The following PPP1R9A variants were observed in gnomAD, a reference collection of about 807,000 sequenced individuals.
PPP1R9A encodes the protein neurabin-1.
Under a neutral mutation model 141.9 loss-of-function variants are expected in PPP1R9A, and 59 were observed. The observed-to-expected ratio is 0.42, with a 90% CI of 0.34 to 0.52. The LOEUF (loss-of-function observed/expected upper bound fraction) is 0.52, where lower values mean the gene tolerates loss of function less well. PPP1R9A is among the 20% of genes least tolerant of loss of function. The probability of loss-of-function intolerance (pLI) is 0.10; values close to 1 mark genes in which losing one functional copy is unlikely to be tolerated. For synonymous variants in PPP1R9A, 500 were observed against 569.7 expected, an observed-to-expected ratio of 0.88 and a Z score of 1.74; for missense variants, 1,444 against 1,611.9, an observed-to-expected ratio of 0.90 and a Z score of 1.78.
At chr7:95,164,287 T>G (rs1465070230) in intron 5 of PPP1R9A, among the ~76,000 whole-genome samples, 1 of 152,232 alleles carries the variant, frequency 6.6e-6, no homozygotes, top group East Asian at 1.9e-4. Context: ...TAGTGGAATC[T>G]GATTGCTTTA....
Position 95,135,033 on chromosome 7 carries a change from T to C in PPP1R9A, c.1649+14201T>C, listed in dbSNP as rs527545447. On this transcript the variant is annotated intron_variant, in intron 4 of 19. Coordinates refer to ENST00000433360, the MANE Select transcript of PPP1R9A (RefSeq NM_001166160.2). ...TTCTTGTTGCTCTCATTTTGTTTTATCTTCACTTTAAAGAGTCAGCAGCCC... is the reference window on the plus strand; with the variant it reads ...TTCTTGTTGCTCTCATTTTGTTTTACCTTCACTTTAAAGAGTCAGCAGCCC... Among the ~76,000 whole-genome samples, 5 of 152,346 alleles carry C rather than the reference T, an allele frequency of 3.3e-5. No individual in the cohort carries two copies. The East Asian group carries it at 9.6e-4, about 29-fold the overall frequency.
intron 4 of PPP1R9A, among the ~76,000 whole-genome samples, chr7:95,154,128 TA>T (rs1829184647): frequency 6.6e-6 from 1 of 151,928 alleles, no homozygotes; most frequent in South Asian, 2.1e-4. Context: ...TTTTTCTTTG[TA>T]TTTTTTTTTA....
chr7:95,052,951 T>G (rs367672341), intron 2 of PPP1R9A, among the ~76,000 whole-genome samples: 56 of 152,314 alleles, frequency 3.7e-4, no homozygotes, highest in East Asian at 2.9e-3. Context: ...ATTTCTACCC[T>G]GGAAAAGCTC....
chr7:95,071,996 T>C (rs1813879155), intron 2 of PPP1R9A, among the ~76,000 whole-genome samples: 2 of 151,724 alleles, frequency 1.3e-5, no homozygotes, highest in African/African-American at 4.8e-5. Context: ...TGTTCTGTGG[T>C]ATAATTTTAA....
chr7:95,157,563 C>G (rs1487343605), intron 4 of PPP1R9A, among the ~76,000 whole-genome samples: 1 of 152,194 alleles, frequency 6.6e-6, no homozygotes, highest in East Asian at 1.9e-4. Flanking sequence ...GAGCATGTAT[C>G]CTCGGCAGCA....
chr7:95,032,281 C>T (rs765978323), intron 2 of PPP1R9A, among the ~76,000 whole-genome samples: 1 of 151,858 alleles, frequency 6.6e-6, no homozygotes, highest in South Asian at 2.1e-4. Flanking sequence ...GGTTCATGGA[C>T]GATTTCTCAA....
intron 2 of PPP1R9A, among the ~76,000 whole-genome samples, chr7:94,919,679 C>T (rs1201331243): frequency 2.6e-5 from 4 of 152,034 alleles, no homozygotes. Flanking sequence ...ATATAGATTT[C>T]CTGTGCCTAC....
chr7:95,073,676 GATAA>G (rs1175302884), intron 2 of PPP1R9A, among the ~76,000 whole-genome samples: 1 of 110,314 alleles, frequency 9.1e-6, no homozygotes. Flanking sequence ...AAGAACTAAT[GATAA>G]ATATTCTTTG....
chr7:95,146,597 C>T (rs1457436083), intron 4 of PPP1R9A, among the ~76,000 whole-genome samples: 1 of 152,086 alleles, frequency 6.6e-6, no homozygotes, highest in Admixed American at 6.5e-5. Flanking sequence ...ATCATATTGC[C>T]TAGGTTTTCT....
chr7:94,980,359 T>C (rs1046243592), intron 2 of PPP1R9A, among the ~76,000 whole-genome samples: 3 of 152,146 alleles, frequency 2.0e-5, no homozygotes, highest in African/African-American at 7.2e-5. Context: ...TGTATTAATA[T>C]TGTATTAATA....
chr7:95,104,444 G>T (rs1819232464), intron 2 of PPP1R9A, among the ~76,000 whole-genome samples: 1 of 152,142 alleles, frequency 6.6e-6, no homozygotes, highest in African/African-American at 2.4e-5. Context: ...GTTAAGCAAT[G>T]TTTTTACATG....
chr7:94,971,408 C>T (rs748053420), intron 2 of PPP1R9A, among the ~76,000 whole-genome samples: 17 of 152,268 alleles, frequency 1.1e-4, no homozygotes, highest in South Asian at 4.1e-4. Flanking sequence ...AAGACTGCAA[C>T]GCTTTTTTTC....
At chr7:95,209,402 A>C (rs574845037) in intron 7 of PPP1R9A, among the ~76,000 whole-genome samples, 48 of 152,294 alleles carry the variant, frequency 3.2e-4, no homozygotes, top group Non-Finnish European at 5.7e-4. Flanking sequence ...TATGGCTTGC[A>C]AGGGTGTCAC....
At chr7:95,168,529 A>C (rs935091940) in intron 5 of PPP1R9A, among the ~76,000 whole-genome samples, 1 of 152,186 alleles carries the variant, frequency 6.6e-6, no homozygotes, top group South Asian at 2.1e-4. Context: ...CAATGAAAAA[A>C]AAAAAGGATA....
chr7:95,290,038 T>A (rs1806113373), intron 19 of PPP1R9A, 53 bp from the exon 20 acceptor site: 1 of 1,602,982 alleles, frequency 6.2e-7, no homozygotes, highest in Admixed American at 1.7e-5. Context: ...GTTAACACCA[T>A]CAGAGGGCTC....
At chr7:95,126,071 A>G (rs911787434) in intron 4 of PPP1R9A, among the ~76,000 whole-genome samples, 12 of 152,142 alleles carry the variant, frequency 7.9e-5, no homozygotes, top group Non-Finnish European at 1.8e-4. Flanking sequence ...TATTTTGCCT[A>G]TTCACCCCTT....
chr7:95,285,733 C>T (rs1805183746), intron 17 of PPP1R9A, among the ~76,000 whole-genome samples: 1 of 152,182 alleles, frequency 6.6e-6, no homozygotes, highest in Admixed American at 6.5e-5. Flanking sequence ...GAGGATCTGC[C>T]ATTTCTCATA....
intron 5 of PPP1R9A, among the ~76,000 whole-genome samples, chr7:95,164,461 CTG>C (rs1398278861): frequency 2.0e-5 from 3 of 151,518 alleles, no homozygotes; most frequent in African/African-American, 7.3e-5. Context: ...GTAACTAGAT[CTG>C]TGTTTGTTTA....
In PPP1R9A at chr7:95,067,661, G is replaced by T. The variant is rs116946475; in HGVS notation, c.1396-43598G>T. ...GGGGATAGGTTCCAGATTCCCCACG[G>T]ATACCAAAATCCATGGATGCTCAAC... On this transcript the variant is annotated intron_variant, in intron 2 of 19. Transcript: ENST00000433360. 3.9e-3 allele frequency among the ~76,000 whole-genome samples: 596 copies of T among 152,180 alleles called. 23 individuals are homozygous for T. Among genetic ancestry groups the T allele is most frequent in the East Asian group, 0.037 (193 of 5,176 alleles).
Sources: allele counts gnomAD v4.1 joint callset (sites outside exome capture counted in the v4.1 genomes callset), GRCh38; gene constraint gnomAD v4.1.1; transcripts MANE v1.5; gene names NCBI Gene and HGNC (gene_info 2026-07-23, HGNC 2026-07-21).